Variants in PIK3R1 observed in about 807,000 individuals in gnomAD.
PIK3R1 encodes the protein phosphatidylinositol 3-kinase regulatory subunit alpha.
In PIK3R1, 29 loss-of-function variants were observed where a neutral mutation model predicts 98.0. The ratio of observed to expected loss-of-function variants is 0.30; its 90% CI spans 0.22 to 0.40. The LOEUF (loss-of-function observed/expected upper bound fraction) is 0.40, where lower values mean the gene tolerates loss of function less well. PIK3R1 is among the 10% of genes least tolerant of loss of function. The pLI is 1.00. For synonymous variants in PIK3R1, 282 were observed against 311.8 expected (o/e 0.90, Z 1.01); for missense variants, 596 against 872.7 (o/e 0.68, Z 3.99).
intron 2 of PIK3R1, among the ~76,000 whole-genome samples, chr5:68,264,946 G>A (rs1254344701): frequency 6.6e-6 from 1 of 152,156 alleles, no homozygotes; most frequent in African/African-American, 2.4e-5. Context: ...TATCATTTGG[G>A]GTCTGGTGTA....
At chr5:68,287,176 A>G (rs778170868) in intron 7 of PIK3R1, among the ~76,000 whole-genome samples, 16 of 152,216 alleles carry the variant, frequency 1.1e-4, no homozygotes, top group Non-Finnish European at 2.2e-4. Context: ...GAAAGAACCT[A>G]TGTCTTCAAA....
chr5:68,290,854 G>A (rs1237240942), intron 7 of PIK3R1: 1 of 1,500,410 alleles, frequency 6.7e-7, no homozygotes, highest in East Asian at 2.3e-5. Context: ...CAGTATTATT[G>A]TAGAGAGTTA....
At chr5:68,244,599 AAAAG>A (rs1745012652) in intron 2 of PIK3R1, among the ~76,000 whole-genome samples, 1 of 144,734 alleles carries the variant, frequency 6.9e-6, no homozygotes, top group South Asian at 2.2e-4. Context: ...CAAAAAAAAA[AAAAG>A]AGTTTTAGCT....
chr5:68,225,495 C>T (rs1561256912), intron 1 of PIK3R1, among the ~76,000 whole-genome samples: 1 of 152,202 alleles, frequency 6.6e-6, no homozygotes, highest in Non-Finnish European at 1.5e-5. Context: ...TTGCTCCTCT[C>T]GTTCTCGCCG....
intron 4 of PIK3R1, among the ~76,000 whole-genome samples, chr5:68,276,267 G>A (rs1243360431): frequency 1.3e-5 from 2 of 152,200 alleles, no homozygotes; most frequent in East Asian, 3.8e-4. Flanking sequence ...CCCGTGCATT[G>A]TGGGAAGCTT....
rs10940161 is a variant in PIK3R1, at chr5:68,272,157, G to A, written c.335-1233G>A. Among the ~76,000 whole-genome samples the A allele has an allele frequency of 1.7e-3, 254 of 151,178 alleles. 5 individuals carry two copies. The highest frequency in any genetic ancestry group is 1.7e-3 in the Non-Finnish European group (113 of 67,868). ...AGTCGCAGCTACTCAGGAGGCTGGG[G>A]GGGGAGGATCACATGAACTCAGGAA... On this transcript the variant is annotated intron_variant, in intron 2 of 15. Transcript: ENST00000521381.
At chr5:68,275,694 A>C (rs1488014324) in intron 4 of PIK3R1, among the ~76,000 whole-genome samples, 1 of 152,100 alleles carries the variant, frequency 6.6e-6, no homozygotes, top group Non-Finnish European at 1.5e-5. Flanking sequence ...GCCCCACCCC[A>C]AAAAATATAA....
chr5:68,294,967 A>T (rs1409457785), intron 12 of PIK3R1, among the ~76,000 whole-genome samples, 181 bp from the exon 13 acceptor site: 1 of 137,842 alleles, frequency 7.3e-6, no homozygotes, highest in Non-Finnish European at 1.5e-5. Context: ...TAATAAAAAT[A>T]AAAAAATAAA....
rs1748017784 is a variant in PIK3R1 at position 68,301,099 on chromosome 5, T to C, written c.*3498T>C. ...TTGCTATGTATGGTATCCAAGTTAG[T>C]TGAAACGCAGACACTGAGATCTGTT... On this transcript the variant is annotated 3_prime_UTR_variant, in exon 16 of 16. Coordinates refer to ENST00000521381, the MANE Select transcript of PIK3R1 (RefSeq NM_181523.3). 1 of 230,558 alleles carries C rather than the reference T, an allele frequency of 4.3e-6. No homozygotes were observed. Among genetic ancestry groups the C allele is most frequent in the Non-Finnish European group, 8.6e-6 (1 of 116,308 alleles). 14.3% of individuals were successfully genotyped at this position (230,558 alleles called of 1,614,324 possible).
chr5:68,223,090 A>G, intron 1 of PIK3R1, among the ~76,000 whole-genome samples: 1 of 151,318 alleles, frequency 6.6e-6, no homozygotes, highest in Non-Finnish European at 1.5e-5. Context: ...CATATCATCT[A>G]ATACTAATTG....
intron 1 of PIK3R1, among the ~76,000 whole-genome samples, chr5:68,225,072 T>C (rs1744225333): frequency 6.6e-6 from 1 of 152,228 alleles, no homozygotes; most frequent in African/African-American, 2.4e-5. Context: ...TTATTTAGCC[T>C]TGACTCAGTC....
chr5:68,240,334 T>C (rs1744827247), intron 2 of PIK3R1, among the ~76,000 whole-genome samples: 1 of 152,256 alleles, frequency 6.6e-6, no homozygotes, highest in Non-Finnish European at 1.5e-5. Flanking sequence ...ATTGGCATTA[T>C]GTGTACAGTT....
At chr5:68,292,572 T>G in intron 8 of PIK3R1, 1 of 1,492,058 alleles carries the variant, frequency 6.7e-7, no homozygotes, top group South Asian at 1.2e-5. Flanking sequence ...AGTTTCATTA[T>G]TGACAGAGAT....
chr5:68,295,553 G>T (rs1389960786), intron 14 of PIK3R1, 65 bp downstream of exon 14: 20 of 1,377,562 alleles, frequency 1.5e-5, no homozygotes, highest in Non-Finnish European at 2.0e-5. Context: ...TGCATGACTT[G>T]CTTTGTTTTT....
In PIK3R1 at chr5:68,299,354, C is replaced by T. The variant is rs1009065948; in HGVS notation, c.*1753C>T. 1 of 233,466 alleles carries T rather than the reference C, an allele frequency of 4.3e-6. No homozygotes were observed. The highest frequency in any genetic ancestry group is 5.6e-5 in the Admixed American group (1 of 17,772). The allele number at this position is 233,466 out of a possible 1,614,324, so 14.5% of individuals were successfully genotyped here. On this transcript the variant is annotated 3_prime_UTR_variant, in exon 16 of 16. Transcript: ENST00000521381. ...TGTCACTGCTCTGGACTGTGTGGAG[C>T]TCGCTAAAGTCATGGTCATTGCAGG...
chr5:68,231,649 C>T (rs1371602783), intron 2 of PIK3R1, among the ~76,000 whole-genome samples: 2 of 152,218 alleles, frequency 1.3e-5, no homozygotes, highest in Admixed American at 1.3e-4. Context: ...CTGCTGAGCC[C>T]GTTGGTCATA....
At chr5:68,273,547 T>C (rs1746448321) in intron 3 of PIK3R1, 65 bp downstream of exon 3, 4 of 1,308,006 alleles carry the variant, frequency 3.1e-6, no homozygotes, top group Non-Finnish European at 4.4e-6. Flanking sequence ...TCTTATTATT[T>C]GTCTCTTGTG....
At chr5:68,249,780 G>A (rs1021069670) in intron 2 of PIK3R1, among the ~76,000 whole-genome samples, 3 of 152,072 alleles carry the variant, frequency 2.0e-5, no homozygotes, top group Non-Finnish European at 2.9e-5. Context: ...GGTGGGGGGC[G>A]TTAACATAGA....
chr5:68,228,874 T>G (rs1161391836), intron 2 of PIK3R1, among the ~76,000 whole-genome samples: 1 of 152,242 alleles, frequency 6.6e-6, no homozygotes, highest in Non-Finnish European at 1.5e-5. Flanking sequence ...GAAAAGCAAG[T>G]CTTTCCTTAT....
Sources: allele counts gnomAD v4.1 joint callset (sites outside exome capture counted in the v4.1 genomes callset), GRCh38; gene constraint gnomAD v4.1.1; transcripts MANE v1.5; gene names NCBI Gene and HGNC (gene_info 2026-07-23, HGNC 2026-07-21).